The following ENOX2 variants were observed in gnomAD, a reference collection of about 807,000 sequenced individuals.
ENOX2 encodes the protein APK1 antigen.
ENOX2 carries 36 observed loss-of-function variants against 45.0 expected under a neutral mutation model. The ratio of observed to expected loss-of-function variants is 0.80; its 90% confidence interval spans 0.61 to 1.06. The LOEUF (loss-of-function observed/expected upper bound fraction) is 1.06. ENOX2 is among the 50% of genes least tolerant of loss of function. The pLI is 0.00. For synonymous variants in ENOX2, 174 were observed against 152.3 expected, an observed-to-expected ratio of 1.14 and a Z score of -1.05; for missense variants, 423 against 462.5, an observed-to-expected ratio of 0.91 and a Z score of 0.78.
intron 2 of ENOX2, among the ~76,000 whole-genome samples, chrX:130,893,426 A>G (rs1468312176): frequency 8.9e-6 from 1 of 112,538 alleles, no homozygotes; most frequent in Non-Finnish European, 1.9e-5. Flanking sequence ...TAAAAAATAC[A>G]GCCCCTGAGA....
In ENOX2 at chrX:130,674,441, A is replaced by G. The variant is rs150444608; in HGVS notation, c.461-4243T>C. On this transcript the variant is annotated intron_variant, in intron 6 of 14. Coordinates refer to ENST00000394363, the MANE Select transcript of ENOX2 (RefSeq NM_006375.4). Reference sequence around the variant, plus strand: ...GGCCTAATATATGCCTAATTGGAGCACCAAAAGACAGGGGAAGAGAACAGA... The same window carrying G: ...GGCCTAATATATGCCTAATTGGAGCGCCAAAAGACAGGGGAAGAGAACAGA... Among the ~76,000 whole-genome samples the G allele has an allele frequency of 8.6e-3, 948 of 110,094 alleles. 16 individuals are homozygous for G. The highest frequency in any genetic ancestry group is 0.03 in the African/African-American group (921 of 30,240).
At chrX:130,767,127 T>G (rs986323103) in intron 3 of ENOX2, among the ~76,000 whole-genome samples, 2 of 111,831 alleles carry the variant, frequency 1.8e-5, no homozygotes, top group Non-Finnish European at 3.8e-5. Flanking sequence ...TCAAGGATAC[T>G]GTTGTGAAGG....
At chrX:130,768,054 A>G (rs189018921) in intron 3 of ENOX2, among the ~76,000 whole-genome samples, 1 of 112,000 alleles carries the variant, frequency 8.9e-6, no homozygotes, top group East Asian at 2.8e-4. Context: ...GCTATTTGAC[A>G]CTTTTAAGAG....
At chrX:130,686,651 C>T (rs1401883478) in intron 5 of ENOX2, among the ~76,000 whole-genome samples, 1 of 111,825 alleles carries the variant, frequency 8.9e-6, no homozygotes, top group Admixed American at 9.5e-5. Context: ...TCCTACCCTG[C>T]TCTTCCCATC....
chrX:130,841,208 A>G (rs944515304), intron 2 of ENOX2, among the ~76,000 whole-genome samples: 42 of 112,143 alleles, frequency 3.7e-4, no homozygotes, highest in African/African-American at 1.3e-3. Flanking sequence ...TGCAGAGTGT[A>G]TTGTATTTGC....
chrX:130,623,901 T>C lies in ENOX2; in HGVS notation c.*1413A>G, dbSNP rs1300010571. ...AGTCATTAAAAACAGGACACAAAAC[T>C]GAGGTATAAAAAGGAATATTTATCT... On this transcript the variant is annotated 3_prime_UTR_variant, in exon 15 of 15. Transcript: ENST00000394363. 1 of 112,151 alleles carries C rather than the reference T, an allele frequency of 8.9e-6. No individual in the cohort carries two copies. The highest frequency in any genetic ancestry group is 1.9e-5 in the Non-Finnish European group (1 of 53,307). 9.2% of individuals were successfully genotyped at this position (112,151 alleles called of 1,213,427 possible).
intron 2 of ENOX2, among the ~76,000 whole-genome samples, chrX:130,818,930 A>G (rs2077541058): frequency 8.9e-6 from 1 of 112,448 alleles, no homozygotes; most frequent in African/African-American, 3.2e-5. Flanking sequence ...ATCAGAGTGA[A>G]CAGGCAACCT....
chrX:130,648,811 AG>A (rs2036315673), intron 10 of ENOX2, among the ~76,000 whole-genome samples: 1 of 108,431 alleles, frequency 9.2e-6, no homozygotes, highest in South Asian at 4.1e-4. Context: ...GCACTTTGGG[AG>A]GCCGAGGCTG....
chrX:130,713,502 A>G (rs2038246528), intron 3 of ENOX2, among the ~76,000 whole-genome samples: 2 of 111,611 alleles, frequency 1.8e-5, no homozygotes, highest in Non-Finnish European at 3.8e-5. Context: ...CTCAGCTACT[A>G]AGAGCAGTGG....
At chrX:130,657,838 G>A (rs1322984938) in intron 9 of ENOX2, among the ~76,000 whole-genome samples, 1 of 111,926 alleles carries the variant, frequency 8.9e-6, no homozygotes, top group African/African-American at 3.2e-5. Flanking sequence ...GCCCATTTCC[G>A]AAAGAAAGGA....
chrX:130,816,526 C>T (rs140429909), intron 2 of ENOX2, among the ~76,000 whole-genome samples: 1,480 of 111,762 alleles, frequency 0.013, 15 homozygotes, highest in Non-Finnish European at 0.021. Flanking sequence ...AAGTAAAACA[C>T]TCCTCAGCAA....
chrX:130,625,495 ATCT>A (rs1325444765), intron 14 of ENOX2, 50 bp from the exon 15 acceptor site: 1 of 1,161,686 alleles, frequency 8.6e-7, no homozygotes, highest in Non-Finnish European at 1.2e-6. Context: ...TATTTTCCTA[ATCT>A]TCTTTCCCAG....
At chrX:130,685,991 G>A (rs1011908734) in intron 5 of ENOX2, among the ~76,000 whole-genome samples, 13 of 111,575 alleles carry the variant, frequency 1.2e-4, no homozygotes, top group Non-Finnish European at 2.1e-4. Flanking sequence ...GGGAATGGAT[G>A]GCAAAGATAC....
chrX:130,692,718 T>C (rs1469020481), intron 4 of ENOX2, among the ~76,000 whole-genome samples: 4 of 109,667 alleles, frequency 3.6e-5, no homozygotes, highest in Admixed American at 9.7e-5. Flanking sequence ...GTAGCTGGGA[T>C]TACAGGCATG....
intron 2 of ENOX2, among the ~76,000 whole-genome samples, chrX:130,800,858 A>G (rs889786431): frequency 9.8e-5 from 11 of 112,513 alleles, no homozygotes; most frequent in Admixed American, 4.7e-4. Context: ...GTCAAATGCT[A>G]TGAGGGTCTA....
chrX:130,874,217 A>AT (rs1248922924), intron 2 of ENOX2, among the ~76,000 whole-genome samples: 1 of 112,150 alleles, frequency 8.9e-6, no homozygotes, highest in Non-Finnish European at 1.9e-5. Flanking sequence ...TGTGTTTGTC[A>AT]TGTCCTAGAA....
At chrX:130,703,767 C>A (rs774731159) in intron 3 of ENOX2, among the ~76,000 whole-genome samples, 42 of 111,730 alleles carry the variant, frequency 3.8e-4, no homozygotes, top group African/African-American at 1.3e-3. Flanking sequence ...GCTGGACACA[C>A]AATCAGCAGA....
chrX:130,879,892 G>T (rs1038475836), intron 2 of ENOX2, among the ~76,000 whole-genome samples: 2 of 111,784 alleles, frequency 1.8e-5, no homozygotes, highest in African/African-American at 6.5e-5. Flanking sequence ...GAGGCAAGAA[G>T]TTAAAATTTT....
chrX:130,893,951 C>T (rs186472018), intron 2 of ENOX2, among the ~76,000 whole-genome samples: 363 of 112,185 alleles, frequency 3.2e-3, no homozygotes, highest in African/African-American at 0.011. Context: ...AGCTGCTGTG[C>T]TTCAAAACTG....
Sources: gnomAD v4.1 joint callset for allele counts (sites outside exome capture counted in the v4.1 genomes callset) on GRCh38, gnomAD v4.1.1 for gene constraint, MANE v1.5 for transcripts, NCBI Gene and HGNC (gene_info 2026-07-23, HGNC 2026-07-21) for gene names.